ZNF483: variants seen among roughly 807,000 people sequenced by gnomAD.
ZNF483 encodes zinc finger protein 483.
Under a neutral mutation model 28.6 loss-of-function variants are expected in ZNF483, and 9 were observed. The observed-to-expected ratio is 0.32, with a 90% CI of 0.19 to 0.55. ZNF483 has a LOEUF of 0.55. Among genes scored for constraint, ZNF483 ranks in the 20% least tolerant of loss-of-function variants. ZNF483 has a pLI of 0.93. For synonymous variants in ZNF483, 322 were observed against 306.2 expected, an observed-to-expected ratio of 1.05 and a Z score of -0.54; for missense variants, 675 against 871.7, an observed-to-expected ratio of 0.77 and a Z score of 2.84.
rs1323043708 is a variant in ZNF483 at position 111,551,177 on chromosome 9, A to G, written c.*8007A>G. Among the ~76,000 whole-genome samples the G allele has an allele frequency of 3.3e-5, 5 of 152,214 alleles. No homozygotes were observed. Among genetic ancestry groups the G allele is most frequent in the Admixed American group, 1.3e-4 (2 of 15,282 alleles). ...ATAATATTATTTCATCATGTAATCA[A>G]TGTAAAAAAGTATTGAGACATTTTG... On this transcript the variant is annotated 3_prime_UTR_variant, in exon 6 of 6. Transcript: ENST00000309235.
chr9:111,551,399 TG>T lies in ZNF483; in HGVS notation c.*8230del, dbSNP rs1353526889. 0.024 allele frequency among the ~76,000 whole-genome samples: 2,908 copies of T among 119,304 alleles called. 135 individuals are homozygous for T. The highest frequency in any genetic ancestry group is 0.04 in the Non-Finnish European group (2,320 of 58,036). The allele number at this position is 119,304 out of a possible 152,430, so 78.3% of individuals were successfully genotyped here. ...ATAACTGAATCAAGTATCCAGTTTT[TG>T]TTTTTTTTTTTTTTTTTTTTTTTTT... On this transcript the variant is annotated 3_prime_UTR_variant, in exon 6 of 6. Transcript: ENST00000309235.
intron 5 of ZNF483, among the ~76,000 whole-genome samples, chr9:111,537,012 T>C (rs192224680): frequency 2.6e-5 from 4 of 152,320 alleles, no homozygotes; most frequent in African/African-American, 9.6e-5. Context: ...TTCAGCTTTT[T>C]CTTGAAGTAT....
intron 3 of ZNF483, among the ~76,000 whole-genome samples, chr9:111,532,097 C>T (rs1827362278): frequency 6.6e-6 from 1 of 152,126 alleles, no homozygotes; most frequent in Non-Finnish European, 1.5e-5. Flanking sequence ...TTGCTTGAGC[C>T]TGGGAGTTCG....
intron 5 of ZNF483, among the ~76,000 whole-genome samples, chr9:111,571,711 A>G (rs1828830314): frequency 6.6e-6 from 1 of 151,972 alleles, no homozygotes; most frequent in East Asian, 1.9e-4. Flanking sequence ...GTCTTACTCT[A>G]TTGCTCTGGT....
rs902829987 is a variant in ZNF483, at chr9:111,527,432, A to G, written c.37A>G (p.Ile13Val). The G allele has an allele frequency of 4.3e-6, 7 of 1,613,962 alleles. No homozygotes were observed. The highest frequency in any genetic ancestry group is 5.9e-6 in the Non-Finnish European group (7 of 1,180,042). The part of the protein sequence containing the change: ...AVVPLNKMTA[I>V]SPEPQTLAST... ...AGTGCCCTTGAACAAGATGACAGCCATCTCACCAGAACCTCAAACTCTGGC... is the reference window on the plus strand; with the variant it reads ...AGTGCCCTTGAACAAGATGACAGCCGTCTCACCAGAACCTCAAACTCTGGC... The change falls in exon 2 of 6, where the codon ATC (isoleucine) becomes GTC (valine). Residue 13 changes from isoleucine to valine, a missense_variant. By Grantham distance (29) the Ile-to-Val change is conservative. Around this residue, in one of 6 missense-constraint regions of ZNF483, gnomAD observed 525 missense variants for 581.8 expected, o/e 0.90. Coordinates refer to ENST00000309235, the MANE Select transcript of ZNF483 (RefSeq NM_133464.5).
rs750360618 is a variant in ZNF483 at position 111,542,284 on chromosome 9, A to G, written c.1349A>G (p.Tyr450Cys). Residue 450 changes from tyrosine (Y) to cysteine (C), a missense_variant, in exon 6 of 6, where the codon TAT becomes TGT. Around this residue, in one of 6 missense-constraint regions of ZNF483, gnomAD observed 525 missense variants for 581.8 expected, o/e 0.90. Coordinates refer to ENST00000309235, the MANE Select transcript of ZNF483 (RefSeq NM_133464.5). The surrounding 1 kb of genome is among the most constrained non-coding windows in gnomAD (Gnocchi z 6.2). ...AGTAAGTGTGGAAAAGCCTTTGGCT[A>G]TAGCGCCTCACTCACCAAACATCGG... ...KCSKCGKAFG[Y>C]SASLTKHRRI... 6.2e-6 allele frequency: 10 copies of G among 1,614,098 alleles called. No individual in the cohort carries two copies. The African/African-American group carries it at 6.7e-5, about 11-fold the overall frequency.
chr9:111,530,439 A>G (rs1196229059), intron 2 of ZNF483, among the ~76,000 whole-genome samples: 1 of 152,068 alleles, frequency 6.6e-6, no homozygotes, highest in Non-Finnish European at 1.5e-5. Flanking sequence ...ATTGGAACCC[A>G]GGGAGGGGCT....
At chr9:111,559,324 CTG>C (rs1828209283), downstream of ZNF483, among the ~76,000 whole-genome samples, 1 of 152,180 alleles carries the variant, frequency 6.6e-6, no homozygotes, top group South Asian at 2.1e-4. Context: ...GCCCTCCATA[CTG>C]TGTGGACTTT....
At chr9:111,556,911 C>T (rs1444421485), downstream of ZNF483, among the ~76,000 whole-genome samples, 3 of 152,154 alleles carry the variant, frequency 2.0e-5, no homozygotes, top group Non-Finnish European at 4.4e-5. Flanking sequence ...CTGTGATAGC[C>T]GTGGCTGGAG....
downstream of ZNF483, among the ~76,000 whole-genome samples, chr9:111,557,120 A>G (rs1235295719): frequency 1.3e-5 from 2 of 152,186 alleles, no homozygotes; most frequent in African/African-American, 2.4e-5. Flanking sequence ...CTCATGCAGC[A>G]TTTCCGCAGC....
At position 111,553,035 on chromosome 9, in the gene ZNF483, A is replaced by G. The variant is rs1202829600; in HGVS notation, c.*9865A>G. Among the ~76,000 whole-genome samples, 1 of 152,212 alleles carries G rather than the reference A, an allele frequency of 6.6e-6. No individual in the cohort carries two copies. Among genetic ancestry groups the G allele is most frequent in the Non-Finnish European group, 1.5e-5 (1 of 68,026 alleles). On this transcript the variant is annotated 3_prime_UTR_variant, in exon 6 of 6. Transcript: ENST00000309235. ...AGGTTTACAAACTCAGACCCTTTTA[A>G]AAGTTGTTTAAATTGTTTTGTTAGA...
chr9:111,568,823 C>A (rs1265560839), intron 5 of ZNF483, among the ~76,000 whole-genome samples: 1 of 152,108 alleles, frequency 6.6e-6, no homozygotes, highest in Non-Finnish European at 1.5e-5. Flanking sequence ...GGCAGGTTCC[C>A]CCGATACACT....
chr9:111,536,066 A>G (rs1252754682), intron 5 of ZNF483, among the ~76,000 whole-genome samples: 1 of 149,440 alleles, frequency 6.7e-6, no homozygotes, highest in South Asian at 2.1e-4. Flanking sequence ...TTTTTTTTGT[A>G]TTTTTATTAG....
intron 5 of ZNF483, among the ~76,000 whole-genome samples, chr9:111,534,859 G>T (rs1827445871): frequency 6.6e-6 from 1 of 151,618 alleles, no homozygotes; most frequent in African/African-American, 2.4e-5. Context: ...GAGTAGCTGG[G>T]ATTACAGGCG....
intron 3 of ZNF483, 25 bp from the exon 4 acceptor site, chr9:111,533,714 A>G (rs991620428): frequency 1.9e-6 from 3 of 1,540,238 alleles, no homozygotes; most frequent in Admixed American, 2.4e-5. Flanking sequence ...ATAATCCAAT[A>G]CAAAAGAGCT....
At position 111,541,923 on chromosome 9, in the gene ZNF483, C is replaced by T. The variant is rs549371082; in HGVS notation, c.988C>T (p.Arg330Trp). Reference sequence around the variant, plus strand: ...GAGAGTCTACTTGAGGAAGAAATCTCGGAGGTATAATGAAAGCAAGAAACC... The same window carrying T: ...GAGAGTCTACTTGAGGAAGAAATCTTGGAGGTATAATGAAAGCAAGAAACC... ...HLRVYLRKKS[R>W]RYNESKKPFS... The change falls in exon 6 of 6, where the codon CGG (arginine) becomes TGG (tryptophan). Residue 330 changes from arginine to tryptophan, a missense_variant. By Grantham distance (101) the Arg-to-Trp change is moderately radical (BLOSUM62 -3). This residue lies in a region of ZNF483 where 525 missense variants were observed against 581.8 expected (regional missense o/e 0.90). Transcript: ENST00000309235. 10 of 1,613,848 alleles carry T rather than the reference C, an allele frequency of 6.2e-6. No individual in the cohort carries two copies. Among genetic ancestry groups the T allele is most frequent in the South Asian group, 3.3e-5 (3 of 91,052 alleles).
In ZNF483 at chr9:111,532,226, AG is replaced by A. The variant is rs796532646; in HGVS notation, c.501+1268del. The stretch of plus-strand genomic sequence containing the variant: ...CGGGATCTGAGGTGGTAGAGCTGTA[AG>A]GGGGAAAGACAGTCTTTCACTTGAG... On this transcript the variant is annotated intron_variant, in intron 3 of 5. Coordinates refer to ENST00000309235, the MANE Select transcript of ZNF483 (RefSeq NM_133464.5). 1.3e-3 allele frequency among the ~76,000 whole-genome samples: 202 copies of A among 152,184 alleles called. 1 individual carries two copies. The highest frequency in any genetic ancestry group is 4.6e-3 in the African/African-American group (190 of 41,544).
intron 5 of ZNF483, among the ~76,000 whole-genome samples, chr9:111,540,512 C>T (rs1827646764): frequency 6.6e-6 from 1 of 151,936 alleles, no homozygotes; most frequent in Admixed American, 6.6e-5. Context: ...AACTCTAGGC[C>T]CTGTTGAATT....
At chr9:111,563,018 A>G (rs1243838794) in intron 5 of ZNF483, 1 of 1,480,230 alleles carries the variant, frequency 6.8e-7, no homozygotes, top group Non-Finnish European at 9.0e-7. Flanking sequence ...CATTATGAGT[A>G]CTATTTCTTA....
Sources: gnomAD v4.1 joint callset for allele counts (sites outside exome capture counted in the v4.1 genomes callset) on GRCh38, gnomAD v4.1.1 for gene constraint, gnomAD v4.1.1 regional missense constraint, Gnocchi (gnomAD v3.1) non-coding constraint, MANE v1.5 for transcripts, NCBI Gene and HGNC (gene_info 2026-07-23, HGNC 2026-07-21) for gene names.